The following HMCN1 variants were observed in gnomAD, a reference collection of about 807,000 sequenced individuals.
HMCN1 encodes the protein hemicentin 1.
Under a neutral mutation model 625.9 loss-of-function variants are expected in HMCN1, and 321 were observed. That is an observed-to-expected ratio of 0.51 (90% CI 0.47 to 0.56). The LOEUF is 0.56. Among genes scored for constraint, HMCN1 ranks in the 20% least tolerant of loss-of-function variants. The pLI, the probability that HMCN1 is intolerant of heterozygous loss-of-function variation, is 0.00. For missense variants in HMCN1, 6,588 were observed against 6,887.3 expected, an observed-to-expected ratio of 0.96 and a Z score of 1.54; for synonymous variants, 2,425 against 2,417.6, an observed-to-expected ratio of 1.00 and a Z score of -0.09.
At position 186,115,132 on chromosome 1, in the gene HMCN1, CAG is replaced by C. The variant is rs1015449902; in HGVS notation, c.11405-123_11405-122del. 67 of 1,400,682 alleles carry C rather than the reference CAG, an allele frequency of 4.8e-5. 1 individual carries two copies. The African/African-American group carries it at 5.0e-4, about 10-fold the overall frequency. 86.8% of individuals were successfully genotyped at this position (1,400,682 alleles called of 1,614,324 possible). A position where few individuals can be genotyped will look rare whatever the true frequency, so the allele number is the denominator to read the frequency against. The stretch of plus-strand genomic sequence containing the variant: ...ATCATCACAGCACTATTAAAATTTG[CAG>C]AGTCTTGTTTGCTCATAACTATGAG... On this transcript the variant is annotated intron_variant, in intron 74 of 106. Transcript: ENST00000271588.
chr1:185,938,238 T>C (rs555611984), intron 11 of HMCN1, among the ~76,000 whole-genome samples: 1 of 152,208 alleles, frequency 6.6e-6, no homozygotes, highest in South Asian at 2.1e-4. Context: ...GGAGAAAAAG[T>C]TGTCTTGGGT....
At chr1:186,128,490 T>A (rs1661761181) in intron 83 of HMCN1, among the ~76,000 whole-genome samples, 199 bp downstream of exon 83, 1 of 152,126 alleles carries the variant, frequency 6.6e-6, no homozygotes, top group Non-Finnish European at 1.5e-5. Context: ...CATAAGTTGA[T>A]CACAGGGCCA....
In HMCN1 at chr1:185,928,602, T is replaced by C. The variant is rs1667391848; in HGVS notation, c.1487T>C (p.Phe496Ser). 6.2e-7 allele frequency: 1 copy of C among 1,613,408 alleles called. No homozygotes were observed. The change falls in exon 10 of 107, where the codon TTC (phenylalanine) becomes TCC (serine). Residue 496 changes from phenylalanine (F) to serine (S), a missense_variant. Phe to Ser is a radical substitution (Grantham distance 155, BLOSUM62 -2). Coordinates refer to ENST00000271588, the MANE Select transcript of HMCN1 (RefSeq NM_031935.3). Reference sequence around the variant, plus strand: ...AAGGTCACTTTGTCTGACGAAGGTTTCTATGAATGCATTGCTGTCAGCAGT... The same window carrying C: ...AAGGTCACTTTGTCTGACGAAGGTTCCTATGAATGCATTGCTGTCAGCAGT... ...IAKVTLSDEG[F>S]YECIAVSSAG...
At chr1:186,138,214 G>A (rs1430873556) in intron 89 of HMCN1, among the ~76,000 whole-genome samples, 1 of 152,114 alleles carries the variant, frequency 6.6e-6, no homozygotes, top group Non-Finnish European at 1.5e-5. Context: ...CCAAACTGGA[G>A]TGTATTTCTC....
chr1:186,012,791 GTT>G lies in HMCN1; in HGVS notation c.4631-2365_4631-2364del, dbSNP rs755654074. The stretch of plus-strand genomic sequence containing the variant: ...GCTATGATAAAACATTTAATTTTAT[GTT>G]TTCTAATTTTTCAAACTGTTGATTT... On this transcript the variant is annotated intron_variant, in intron 30 of 106. Transcript: ENST00000271588. Among the ~76,000 whole-genome samples the G allele has an allele frequency of 1.1e-4, 17 of 152,078 alleles. No individual in the cohort carries two copies. In the East Asian group the frequency reaches 2.9e-3, roughly 26 times the overall value.
intron 1 of HMCN1, among the ~76,000 whole-genome samples, chr1:185,832,069 G>T (rs1660896644): frequency 6.6e-6 from 1 of 152,192 alleles, no homozygotes; most frequent in Non-Finnish European, 1.5e-5. Context: ...GCTGAGGCAG[G>T]TGGATCTCTT....
chr1:185,737,680 T>A (rs963995677), intron 1 of HMCN1, among the ~76,000 whole-genome samples: 1 of 152,178 alleles, frequency 6.6e-6, no homozygotes, highest in African/African-American at 2.4e-5. Context: ...AAAGAAATAA[T>A]GTATAGAATT....
chr1:186,087,111 T>C (rs1040581344), intron 58 of HMCN1, 106 bp from the exon 59 acceptor site: 14 of 760,746 alleles, frequency 1.8e-5, no homozygotes, highest in Admixed American at 3.9e-5. Context: ...TCTCTATAAA[T>C]TTTACTCTAA....
At chr1:185,825,614 A>G (rs1023201226) in intron 1 of HMCN1, among the ~76,000 whole-genome samples, 1 of 152,166 alleles carries the variant, frequency 6.6e-6, no homozygotes, top group African/African-American at 2.4e-5. Flanking sequence ...TCTGTTTGTC[A>G]TTATATTTAT....
At chr1:185,969,184 A>G (rs1650625630) in intron 14 of HMCN1, among the ~76,000 whole-genome samples, 1 of 152,186 alleles carries the variant, frequency 6.6e-6, no homozygotes, top group Non-Finnish European at 1.5e-5. Context: ...GTTTATGTCA[A>G]CATCATCTGC....
chr1:185,797,054 G>A (rs1383583240), intron 1 of HMCN1, among the ~76,000 whole-genome samples: 1 of 152,130 alleles, frequency 6.6e-6, no homozygotes, highest in Non-Finnish European at 1.5e-5. Context: ...GGTGTAAGAT[G>A]GTATCTCATT....
intron 1 of HMCN1, among the ~76,000 whole-genome samples, chr1:185,791,019 G>A (rs531310465): frequency 1.3e-5 from 2 of 151,608 alleles, no homozygotes; most frequent in African/African-American, 4.8e-5. Context: ...TCACTTCCAG[G>A]CCTCTAACTT....
chr1:186,033,090 A>C (rs1655580360), intron 36 of HMCN1, among the ~76,000 whole-genome samples: 1 of 151,986 alleles, frequency 6.6e-6, no homozygotes, highest in East Asian at 1.9e-4. Flanking sequence ...ACACACACAC[A>C]CACACCATGG....
chr1:186,069,465 C>T (rs1379648083), intron 50 of HMCN1, among the ~76,000 whole-genome samples, 198 bp from the exon 51 acceptor site: 2 of 152,312 alleles, frequency 1.3e-5, no homozygotes, highest in Non-Finnish European at 2.9e-5. Flanking sequence ...CAGAGCACCA[C>T]TGGGGACTCA....
At chr1:186,154,798 C>T (rs1380749002) in intron 97 of HMCN1, among the ~76,000 whole-genome samples, 1 of 152,126 alleles carries the variant, frequency 6.6e-6, no homozygotes, top group Non-Finnish European at 1.5e-5. Context: ...ATTTTCCAAG[C>T]ATGGTTCTGC....
Position 185,734,762 on chromosome 1 carries a change from A to T in HMCN1, c.-18A>T. ...TGCTTAGGCGCTGAGGGGGAAAAAG[A>T]GGGGGAAAAAAAAGAAAATGATTTC... On this transcript the variant is annotated 5_prime_UTR_variant, in exon 1 of 107. Coordinates refer to ENST00000271588, the MANE Select transcript of HMCN1 (RefSeq NM_031935.3). 2 of 1,613,800 alleles carry T rather than the reference A, an allele frequency of 1.2e-6. No homozygotes were observed. Among genetic ancestry groups the T allele is most frequent in the Non-Finnish European group, 1.7e-6 (2 of 1,179,830 alleles).
rs1336149408 is a variant in HMCN1 at position 186,055,558 on chromosome 1, A to G, written c.7028A>G (p.Asp2343Gly). ...AAGGCAAAGGGAGTAGAAATACTGG[A>G]TGAAGGTCACATCCTTCAGCTGAAG... ...LIKAKGVEIL[D>G]EGHILQLKNI... The change falls in exon 45 of 107, where the codon GAT becomes GGT. Residue 2343 changes from aspartate to glycine, a missense_variant. By Grantham distance (94) the Asp-to-Gly change is moderately conservative. Coordinates refer to ENST00000271588, the MANE Select transcript of HMCN1 (RefSeq NM_031935.3). The G allele has an allele frequency of 2.5e-6, 4 of 1,612,852 alleles. No individual in the cohort carries two copies. In the East Asian group the frequency reaches 8.9e-5, roughly 36 times the overall value.
chr1:185,987,549 A>T lies in HMCN1; in HGVS notation c.3048+5A>T, dbSNP rs776232517. 8.4e-6 allele frequency: 13 copies of T among 1,555,582 alleles called. No individual in the cohort carries two copies. In the South Asian group the frequency reaches 1.4e-4, roughly 17 times the overall value. The stretch of plus-strand genomic sequence containing the variant: ...CCGTCTGTCATCTGGTCCAAGGTAA[A>T]TGATACATCTAGTTATATTTCCTGA... On this transcript the variant is annotated splice_donor_5th_base_variant and intron_variant, in intron 20 of 106. Transcript: ENST00000271588.
chr1:185,928,688 TG>T, intron 10 of HMCN1, 21 bp downstream of exon 10: 2 of 1,612,322 alleles, frequency 1.2e-6, no homozygotes, highest in Non-Finnish European at 1.7e-6. Flanking sequence ...CTAATTTCTT[TG>T]CAGTTGCCCA....
Sources: allele counts gnomAD v4.1 joint callset (sites outside exome capture counted in the v4.1 genomes callset), GRCh38; gene constraint gnomAD v4.1.1; transcripts MANE v1.5; gene names NCBI Gene and HGNC (gene_info 2026-07-23, HGNC 2026-07-21).